Variants in TMEM232 observed in about 807,000 individuals in gnomAD.
The protein encoded by TMEM232 is transmembrane protein 232.
Under a neutral mutation model 78.8 loss-of-function variants are expected in TMEM232, and 80 were observed. The ratio of observed to expected loss-of-function variants is 1.01; its 90% CI spans 0.85 to 1.22. TMEM232 has a LOEUF of 1.22. TMEM232 is among the 50% of genes most tolerant of loss of function. The probability of loss-of-function intolerance (pLI) is 0.00; values close to 1 mark genes in which losing one functional copy is unlikely to be tolerated. For missense variants in TMEM232, 881 were observed against 742.2 expected, an observed-to-expected ratio of 1.19 and a Z score of -2.17; for synonymous variants, 297 against 254.3, an observed-to-expected ratio of 1.17 and a Z score of -1.60.
At chr5:110,725,520 G>C (rs887030420) in intron 1 of TMEM232, 1 of 152,166 alleles carries the variant, frequency 6.6e-6, no homozygotes, top group African/African-American at 2.4e-5. Context: ...CGTTCAGCAA[G>C]AATATAGCAC....
intron 10 of TMEM232, among the ~76,000 whole-genome samples, chr5:110,596,959 T>C (rs1173396388): frequency 3.3e-5 from 5 of 152,128 alleles, no homozygotes; most frequent in Admixed American, 6.6e-5. Context: ...TGGCACAAGA[T>C]AGGGATGACC....
intron 3 of TMEM232, among the ~76,000 whole-genome samples, chr5:110,395,171 C>A: frequency 6.6e-6 from 1 of 152,080 alleles, no homozygotes; most frequent in Non-Finnish European, 1.5e-5. Flanking sequence ...GCACTAAGAG[C>A]ATCAGATTTT....
intron 12 of TMEM232, among the ~76,000 whole-genome samples, chr5:110,434,638 C>A (rs1156792029): frequency 6.6e-6 from 1 of 151,834 alleles, no homozygotes; most frequent in Non-Finnish European, 1.5e-5. Context: ...ATACCAAAAT[C>A]TGGCAAAGAG....
intron 12 of TMEM232, among the ~76,000 whole-genome samples, chr5:110,455,546 T>G (rs1045316718): frequency 2.0e-5 from 3 of 151,616 alleles, no homozygotes; most frequent in Non-Finnish European, 4.4e-5. Flanking sequence ...CCCGGCTAAT[T>G]TTTTTGTATT....
At chr5:110,710,520 A>G (rs1160153193) in intron 1 of TMEM232, among the ~76,000 whole-genome samples, 3 of 152,168 alleles carry the variant, frequency 2.0e-5, no homozygotes, top group South Asian at 4.1e-4. Context: ...ACCAATGTCA[A>G]TGATACATTA....
intron 10 of TMEM232, among the ~76,000 whole-genome samples, chr5:110,584,881 TTTC>T (rs1225682357): frequency 6.6e-6 from 1 of 152,072 alleles, no homozygotes; most frequent in East Asian, 1.9e-4. Flanking sequence ...TATCTTATTT[TTTC>T]TTCTCTGCTA....
At chr5:110,606,381 A>G in intron 8 of TMEM232, 94 bp from the exon 9 acceptor site, 1 of 1,242,258 alleles carries the variant, frequency 8.0e-7, no homozygotes, top group Non-Finnish European at 1.1e-6. Context: ...GGTCAGAGGA[A>G]ATGCATGTCT....
chr5:110,625,013 G>C (rs1784236310), intron 7 of TMEM232, among the ~76,000 whole-genome samples: 1 of 151,978 alleles, frequency 6.6e-6, no homozygotes, highest in African/African-American at 2.4e-5. Flanking sequence ...GAGGAAAGAA[G>C]AAGGTATTAT....
At chr5:110,604,379 T>C (rs1261745102) in intron 10 of TMEM232, among the ~76,000 whole-genome samples, 1 of 152,200 alleles carries the variant, frequency 6.6e-6, no homozygotes, top group Non-Finnish European at 1.5e-5. Flanking sequence ...TACTATTTGA[T>C]GGACTATAAG....
At chr5:110,578,395 A>C (rs879753291) in intron 10 of TMEM232, among the ~76,000 whole-genome samples, 1 of 152,050 alleles carries the variant, frequency 6.6e-6, no homozygotes, top group Admixed American at 6.6e-5. Flanking sequence ...ACATTATGTT[A>C]CATGCAAAAC....
intron 11 of TMEM232, among the ~76,000 whole-genome samples, chr5:110,534,279 A>G (rs1771993646): frequency 6.6e-6 from 1 of 152,188 alleles, no homozygotes; most frequent in Non-Finnish European, 1.5e-5. Flanking sequence ...GCATTTTTTC[A>G]GGCTTAGTAT....
Position 110,615,931 on chromosome 5 carries a change from A to T in TMEM232, c.902+2498T>A, listed in dbSNP as rs547278439. Among the ~76,000 whole-genome samples, 3 of 152,134 alleles carry T rather than the reference A, an allele frequency of 2.0e-5. No individual in the cohort carries two copies. In the South Asian group the frequency reaches 6.2e-4, roughly 32 times the overall value. The stretch of plus-strand genomic sequence containing the variant: ...AAATAAAAAAAATAAAGCCTAAGCA[A>T]TTAAGTGGGAAGATATTCCATGTTC... On this transcript the variant is annotated intron_variant, in intron 8 of 13. Coordinates refer to ENST00000455884, the MANE Select transcript of TMEM232 (RefSeq NM_001039763.4).
At chr5:110,451,389 T>G (rs1380674398) in intron 12 of TMEM232, among the ~76,000 whole-genome samples, 3 of 152,174 alleles carry the variant, frequency 2.0e-5, no homozygotes, top group African/African-American at 7.2e-5. Context: ...CCTGTTATTC[T>G]AGGAAATATT....
intron 12 of TMEM232, among the ~76,000 whole-genome samples, chr5:110,449,314 G>A (rs988526780): frequency 6.6e-6 from 1 of 152,006 alleles, no homozygotes; most frequent in Non-Finnish European, 1.5e-5. Context: ...TATAGACAAT[G>A]TGTACTTTCA....
At chr5:110,731,264 G>C (rs1580822126), upstream of TMEM232, among the ~76,000 whole-genome samples, 1 of 152,220 alleles carries the variant, frequency 6.6e-6, no homozygotes, top group East Asian at 1.9e-4. Flanking sequence ...GGCTAGCATT[G>C]AATGTCTGCA....
chr5:110,627,921 CA>C, intron 5 of TMEM232, 41 bp from the exon 6 acceptor site: 1 of 1,290,092 alleles, frequency 7.8e-7, no homozygotes, highest in Non-Finnish European at 1.1e-6. Flanking sequence ...TGTGTTGCAT[CA>C]ATAAATGTTT....
intron 11 of TMEM232, among the ~76,000 whole-genome samples, chr5:110,530,496 T>C (rs1243215158): frequency 2.6e-5 from 4 of 152,166 alleles, no homozygotes; most frequent in African/African-American, 9.7e-5. Flanking sequence ...AACAGATGAA[T>C]GGATAAATAA....
intron 3 of TMEM232, 77 bp from the exon 4 acceptor site, chr5:110,641,073 T>C (rs112654571): frequency 0.12 from 108,225 of 898,076 alleles, 7,613 homozygotes; most frequent in Middle Eastern, 0.15. Flanking sequence ...AACTCTTAAT[T>C]GTGCTCCAAA....
intron 12 of TMEM232, among the ~76,000 whole-genome samples, chr5:110,453,985 T>G (rs1760603351): frequency 6.6e-6 from 1 of 152,190 alleles, no homozygotes; most frequent in Admixed American, 6.5e-5. Flanking sequence ...TGTGTGAACC[T>G]AAAAACTCTT....
Sources: allele counts gnomAD v4.1 joint callset (sites outside exome capture counted in the v4.1 genomes callset), GRCh38; gene constraint gnomAD v4.1.1; transcripts MANE v1.5; gene names NCBI Gene and HGNC (gene_info 2026-07-23, HGNC 2026-07-21).